Variants in CYTH3 observed in about 807,000 individuals in gnomAD.
CYTH3 encodes the protein cytohesin 3.
Under a neutral mutation model 55.1 loss-of-function variants are expected in CYTH3, and 23 were observed. The observed-to-expected ratio is 0.42, with a 90% CI of 0.30 to 0.59. The LOEUF is 0.59. Ranked by LOEUF, CYTH3 falls within the 20% of genes least tolerant of loss-of-function variation. The pLI, the probability that CYTH3 is intolerant of heterozygous loss-of-function variation, is 0.20. For synonymous variants in CYTH3, 249 were observed against 194.9 expected, an observed-to-expected ratio of 1.28 and a Z score of -2.31; for missense variants, 413 against 524.8, an observed-to-expected ratio of 0.79 and a Z score of 2.08.
chr7:6,185,017 A>G (rs898020275), intron 4 of CYTH3, among the ~76,000 whole-genome samples: 5 of 152,228 alleles, frequency 3.3e-5, no homozygotes, highest in Admixed American at 6.5e-5. Flanking sequence ...TTCTGAGCAC[A>G]TCCACTTTCA....
At chr7:6,185,498 C>G (rs1276527879) in intron 4 of CYTH3, among the ~76,000 whole-genome samples, 2 of 152,018 alleles carry the variant, frequency 1.3e-5, no homozygotes, top group Admixed American at 1.3e-4. Context: ...AGATCGAGAC[C>G]ATCCTAGCTA....
At chr7:6,206,410 A>G (rs1018344656) in intron 1 of CYTH3, among the ~76,000 whole-genome samples, 1 of 152,180 alleles carries the variant, frequency 6.6e-6, no homozygotes, top group Non-Finnish European at 1.5e-5. Context: ...GAACAGACAA[A>G]ACTAATTTGT....
At chr7:6,250,704 G>A (rs1455138731) in intron 1 of CYTH3, among the ~76,000 whole-genome samples, 4 of 152,154 alleles carry the variant, frequency 2.6e-5, no homozygotes, top group Admixed American at 6.5e-5. Flanking sequence ...AGCTAATGGG[G>A]CCCAGGTTCT....
chr7:6,257,552 A>G (rs1780159907), intron 1 of CYTH3, among the ~76,000 whole-genome samples: 1 of 147,440 alleles, frequency 6.8e-6, no homozygotes, highest in Non-Finnish European at 1.5e-5. Flanking sequence ...AAGAATACGA[A>G]AACGTATTTT....
intron 1 of CYTH3, among the ~76,000 whole-genome samples, chr7:6,259,617 T>C (rs1292408664): frequency 1.4e-5 from 2 of 147,950 alleles, no homozygotes; most frequent in Non-Finnish European, 3.0e-5. Flanking sequence ...GTACCTGACA[T>C]TAACTATAAA....
intron 1 of CYTH3, among the ~76,000 whole-genome samples, chr7:6,226,001 A>C (rs1285047374): frequency 2.0e-5 from 3 of 152,190 alleles, no homozygotes; most frequent in Admixed American, 6.5e-5. Context: ...TTTTTTTAAA[A>C]ACAAACAAAA....
rs1271565697 is a variant in CYTH3, at chr7:6,167,047, C to T, written c.824-1237G>A. Among the ~76,000 whole-genome samples the T allele has an allele frequency of 6.6e-6, 1 of 152,198 alleles. No homozygotes were observed. The highest frequency in any genetic ancestry group is 2.4e-5 in the African/African-American group (1 of 41,454). On this transcript the variant is annotated intron_variant, in intron 9 of 12. Transcript: ENST00000350796. The surrounding 1 kb of genome is among the most constrained non-coding windows in gnomAD (Gnocchi z 5.5). ...GAGCCCTGGCGGGGCTTCCACTCCCCGAACCCCTGCAAGCTGCTCCGTCAC... is the reference window on the plus strand; with the variant it reads ...GAGCCCTGGCGGGGCTTCCACTCCCTGAACCCCTGCAAGCTGCTCCGTCAC...
At chr7:6,238,330 C>A (rs79931176) in intron 1 of CYTH3, among the ~76,000 whole-genome samples, 9 of 152,128 alleles carry the variant, frequency 5.9e-5, no homozygotes, top group South Asian at 2.1e-4. Context: ...TAAACAATTT[C>A]TACTAAAGGA....
intron 1 of CYTH3, among the ~76,000 whole-genome samples, chr7:6,245,855 G>T (rs1779800318): frequency 6.6e-6 from 1 of 152,208 alleles, no homozygotes; most frequent in Non-Finnish European, 1.5e-5. Flanking sequence ...AATGAGCCGA[G>T]ATCGTGCCAC....
chr7:6,194,749 G>A (rs577611001), intron 1 of CYTH3, among the ~76,000 whole-genome samples: 20 of 152,320 alleles, frequency 1.3e-4, no homozygotes, highest in Admixed American at 1.3e-4. Context: ...GGCCAAGGCA[G>A]GCGGATCATG....
intron 1 of CYTH3, among the ~76,000 whole-genome samples, chr7:6,260,220 T>G (rs747355833): frequency 2.0e-5 from 3 of 152,156 alleles, no homozygotes; most frequent in Non-Finnish European, 4.4e-5. Context: ...AACAGTCTCA[T>G]ATTACAAGCT....
intron 1 of CYTH3, among the ~76,000 whole-genome samples, chr7:6,257,662 G>C (rs188574402): frequency 6.6e-6 from 1 of 152,232 alleles, no homozygotes; most frequent in African/African-American, 2.4e-5. Context: ...ATTTATGGCA[G>C]AGAAAAGGTG....
chr7:6,195,074 G>A (rs930483001), intron 1 of CYTH3, among the ~76,000 whole-genome samples: 12 of 151,964 alleles, frequency 7.9e-5, no homozygotes, highest in African/African-American at 2.9e-4. Context: ...TAAGCCAATG[G>A]TCATCTGAAA....
chr7:6,196,382 A>C (rs1450635709), intron 1 of CYTH3, among the ~76,000 whole-genome samples: 1 of 152,122 alleles, frequency 6.6e-6, no homozygotes, highest in East Asian at 1.9e-4. Flanking sequence ...AAAATAAAGA[A>C]GCAAGCAGGC....
intron 9 of CYTH3, among the ~76,000 whole-genome samples, chr7:6,166,838 C>T (rs556482536): frequency 3.4e-4 from 52 of 152,140 alleles, no homozygotes; most frequent in Admixed American, 4.6e-4. Flanking sequence ...CGGTTGCCAC[C>T]GCCAGCCTGG....
intron 1 of CYTH3, among the ~76,000 whole-genome samples, chr7:6,220,865 G>A (rs1047358356): frequency 9.2e-5 from 14 of 151,900 alleles, no homozygotes; most frequent in African/African-American, 1.7e-4. Context: ...GCGTGGTGGC[G>A]GGCACCTGTA....
chr7:6,265,492 G>C (rs982030893), intron 1 of CYTH3, among the ~76,000 whole-genome samples: 3 of 151,654 alleles, frequency 2.0e-5, no homozygotes, highest in Admixed American at 2.0e-4. Context: ...GGTGGCACGC[G>C]CCTGTAGTCC....
intron 1 of CYTH3, among the ~76,000 whole-genome samples, chr7:6,227,151 T>A (rs975993462): frequency 6.6e-6 from 1 of 150,502 alleles, no homozygotes; most frequent in Non-Finnish European, 1.5e-5. Flanking sequence ...CATGAAATGA[T>A]AGAAGAGGCT....
intron 1 of CYTH3, among the ~76,000 whole-genome samples, chr7:6,264,101 G>T (rs1278072296): frequency 2.0e-5 from 3 of 152,022 alleles, no homozygotes; most frequent in African/African-American, 7.2e-5. Context: ...GCAAAAATTA[G>T]CTGGGCATGA....
Sources: allele counts gnomAD v4.1 joint callset (sites outside exome capture counted in the v4.1 genomes callset), GRCh38; gene constraint gnomAD v4.1.1; non-coding constraint Gnocchi (gnomAD v3.1); transcripts MANE v1.5; gene names NCBI Gene and HGNC (gene_info 2026-07-23, HGNC 2026-07-21).